FOXN3: variants seen among roughly 807,000 people sequenced by gnomAD.
FOXN3 encodes the protein forkhead box protein N3.
A neutral mutation model predicts 38.4 loss-of-function variants in FOXN3; 7 were observed. The observed-to-expected ratio is 0.18, with a 90% CI of 0.10 to 0.34. FOXN3 has a LOEUF of 0.34. Ranked by LOEUF, FOXN3 falls within the 10% of genes least tolerant of loss-of-function variation. FOXN3 has a pLI of 1.00. For missense variants in FOXN3, 456 were observed against 613.4 expected (o/e 0.74, Z 2.71); for synonymous variants, 230 against 242.2 (o/e 0.95, Z 0.47).
chr14:89,219,868 T>C (rs909192303), intron 4 of FOXN3, among the ~76,000 whole-genome samples: 3 of 152,204 alleles, frequency 2.0e-5, no homozygotes, highest in African/African-American at 7.2e-5. Flanking sequence ...CTGAGATTGC[T>C]GGGATGCAGC....
chr14:89,579,496 C>A (rs1012261549), intron 1 of FOXN3, among the ~76,000 whole-genome samples: 1 of 152,142 alleles, frequency 6.6e-6, no homozygotes. Flanking sequence ...TCAGTGACTT[C>A]TTCACATAAA....
chr14:89,444,007 C>CAAAAAA (rs569571116), intron 1 of FOXN3, among the ~76,000 whole-genome samples: 20 of 67,602 alleles, frequency 3.0e-4, no homozygotes, highest in East Asian at 5.2e-4. Context: ...GAAACTCTGT[C>CAAAAAA]AAAAAAAAAA....
intron 1 of FOXN3, among the ~76,000 whole-genome samples, chr14:89,604,265 A>G (rs1316807677): frequency 2.0e-5 from 3 of 148,922 alleles, no homozygotes; most frequent in South Asian, 4.2e-4. Flanking sequence ...ACGCGCGCGC[A>G]CACACACAGA....
At chr14:89,201,648 A>G (rs1159912168) in intron 4 of FOXN3, among the ~76,000 whole-genome samples, 2 of 152,204 alleles carry the variant, frequency 1.3e-5, no homozygotes, top group Non-Finnish European at 2.9e-5. Flanking sequence ...CTCAGAGTAT[A>G]GGGGCCTGGG....
chr14:89,208,626 C>T (rs1888446651), intron 4 of FOXN3, among the ~76,000 whole-genome samples: 3 of 152,196 alleles, frequency 2.0e-5, no homozygotes, highest in Non-Finnish European at 4.4e-5. Flanking sequence ...ATATCTCGAG[C>T]TCCTACAGCC....
At chr14:89,416,271 A>T (rs1891720185) in intron 1 of FOXN3, among the ~76,000 whole-genome samples, 1 of 152,216 alleles carries the variant, frequency 6.6e-6, no homozygotes, top group Admixed American at 6.5e-5. Context: ...TCTTATCCCC[A>T]TATACAGGGC....
At chr14:89,285,870 T>A (rs1181468179) in intron 3 of FOXN3, among the ~76,000 whole-genome samples, 2 of 37,362 alleles carry the variant, frequency 5.4e-5, no homozygotes, top group Non-Finnish European at 1.6e-4. Flanking sequence ...AAAATTTTTT[T>A]TTTTTTTTTT....
At chr14:89,375,097 T>C (rs913647596) in intron 2 of FOXN3, among the ~76,000 whole-genome samples, 23 of 151,844 alleles carry the variant, frequency 1.5e-4, no homozygotes, top group Admixed American at 1.3e-4. Flanking sequence ...AGGGTTTTGG[T>C]GGAGGGGTAG....
At position 89,363,990 on chromosome 14, in the gene FOXN3, T is replaced by C. The variant is rs201848771; in HGVS notation, c.544-13182A>G. ...TATATATATATATATATATATATAA[T>C]ATATATATATATTCTTCCATATCAA... On this transcript the variant is annotated intron_variant, in intron 2 of 5. Transcript: ENST00000557258. Among the ~76,000 whole-genome samples the C allele has an allele frequency of 2.6e-5, 2 of 76,836 alleles. 1 individual carries two copies. Among genetic ancestry groups the C allele is most frequent in the Admixed American group, 2.5e-4 (2 of 8,116 alleles). 50.4% of individuals were successfully genotyped at this position (76,836 alleles called of 152,430 possible). A position where few individuals can be genotyped will look rare whatever the true frequency, so the allele number is the denominator to read the frequency against.
At chr14:89,230,820 T>G (rs1042227639) in intron 4 of FOXN3, 6 of 454,978 alleles carry the variant, frequency 1.3e-5, no homozygotes, top group Non-Finnish European at 2.7e-5. Context: ...TAACCCTCCT[T>G]ACAGTGTTCA....
At chr14:89,201,810 G>A (rs1888243291) in intron 4 of FOXN3, among the ~76,000 whole-genome samples, 1 of 152,210 alleles carries the variant, frequency 6.6e-6, no homozygotes, top group African/African-American at 2.4e-5. Context: ...TCCCACGCCA[G>A]AAGCCACTTC....
At chr14:89,329,987 G>T (rs1367451711) in intron 3 of FOXN3, among the ~76,000 whole-genome samples, 1 of 150,582 alleles carries the variant, frequency 6.6e-6, no homozygotes, top group Admixed American at 6.6e-5. Flanking sequence ...TCATTATCAT[G>T]ATGTGTGCCA....
chr14:89,513,929 C>T (rs578176685), intron 1 of FOXN3, among the ~76,000 whole-genome samples: 4 of 150,972 alleles, frequency 2.6e-5, no homozygotes, highest in South Asian at 2.1e-4. Context: ...CACACACACA[C>T]GCACGCACAC....
chr14:89,356,975 T>G (rs1889255080), intron 2 of FOXN3, among the ~76,000 whole-genome samples: 1 of 152,192 alleles, frequency 6.6e-6, no homozygotes, highest in South Asian at 2.1e-4. Flanking sequence ...TGCAGAGAAC[T>G]GATATGACGG....
At chr14:89,256,341 T>G (rs1885619780) in intron 4 of FOXN3, among the ~76,000 whole-genome samples, 1 of 152,130 alleles carries the variant, frequency 6.6e-6, no homozygotes, top group Non-Finnish European at 1.5e-5. Flanking sequence ...AGGGGAGAGT[T>G]AGGCTTGGAC....
intron 4 of FOXN3, among the ~76,000 whole-genome samples, chr14:89,201,661 C>T (rs1020712789): frequency 4.6e-5 from 7 of 152,176 alleles, no homozygotes; most frequent in African/African-American, 1.7e-4. Flanking sequence ...GGCCTGGGCA[C>T]GGCCAGCCAG....
At chr14:89,432,202 G>A (rs1364414341) in intron 1 of FOXN3, among the ~76,000 whole-genome samples, 1 of 152,186 alleles carries the variant, frequency 6.6e-6, no homozygotes, top group African/African-American at 2.4e-5. Flanking sequence ...TAAGCCAAAT[G>A]TCCCATCTTT....
chr14:89,169,625 ACTGAATTTAAAG>A (rs1334144144), intron 5 of FOXN3, among the ~76,000 whole-genome samples: 6 of 152,146 alleles, frequency 3.9e-5, no homozygotes, highest in South Asian at 2.1e-4. Context: ...GGTGGACAGA[ACTGAATTTAAAG>A]CATTCCCAGA....
At chr14:89,512,212 G>A (rs1894107451) in intron 1 of FOXN3, among the ~76,000 whole-genome samples, 1 of 152,204 alleles carries the variant, frequency 6.6e-6, no homozygotes, top group Non-Finnish European at 1.5e-5. Flanking sequence ...CTTGGGAACT[G>A]AAGGGGAAGA....
Sources: gnomAD v4.1 joint callset for allele counts (sites outside exome capture counted in the v4.1 genomes callset) on GRCh38, gnomAD v4.1.1 for gene constraint, MANE v1.5 for transcripts, NCBI Gene and HGNC (gene_info 2026-07-23, HGNC 2026-07-21) for gene names.